Variants in HDAC4 observed in about 807,000 individuals in gnomAD.
HDAC4 encodes histone deacetylase 4.
In HDAC4, 16 loss-of-function variants were observed where a neutral mutation model predicts 135.1. The ratio of observed to expected loss-of-function variants is 0.12; its 90% CI spans 0.08 to 0.18. The LOEUF is 0.18. HDAC4 is among the 10% of genes least tolerant of loss of function. HDAC4 has a pLI of 1.00. For synonymous variants in HDAC4, 685 were observed against 653.4 expected, an observed-to-expected ratio of 1.05 and a Z score of -0.74; for missense variants, 1,143 against 1,511.8, an observed-to-expected ratio of 0.76 and a Z score of 4.05.
chr2:239,319,538 G>A (rs1019278187), intron 2 of HDAC4, among the ~76,000 whole-genome samples: 13 of 152,318 alleles, frequency 8.5e-5, no homozygotes, highest in African/African-American at 2.4e-4. Context: ...TGGAGGTCAC[G>A]CAGAGTTAAA....
rs191133746 is a variant in HDAC4, at chr2:239,305,223, T to C, written c.22+47455A>G. ...GCTGTGTTTTCTAACTGCATGGCCA[T>C]GACCAAGCAGTCGGTTTTCATCCAG... On this transcript the variant is annotated intron_variant, in intron 2 of 26. Transcript: ENST00000543185. Among the ~76,000 whole-genome samples the C allele has an allele frequency of 9.8e-4, 149 of 152,358 alleles. 1 individual carries two copies. The highest frequency in any genetic ancestry group is 1.5e-3 in the Non-Finnish European group (105 of 68,034).
In HDAC4 at chr2:239,299,152, A is replaced by G. The variant is rs911944380; in HGVS notation, c.22+53526T>C. Among the ~76,000 whole-genome samples, 4 of 152,004 alleles carry G rather than the reference A, an allele frequency of 2.6e-5. No homozygotes were observed. The highest frequency in any genetic ancestry group is 4.4e-5 in the Non-Finnish European group (3 of 67,980). Reference sequence around the variant, plus strand: ...AGTGCTGGGATTACAGGCATAAGCTATTGCACCCGGCCTGTCATAGCCTAC... The same window carrying G: ...AGTGCTGGGATTACAGGCATAAGCTGTTGCACCCGGCCTGTCATAGCCTAC... On this transcript the variant is annotated intron_variant, in intron 2 of 26. Transcript: ENST00000543185. The surrounding 1 kb of genome is among the most constrained non-coding windows in gnomAD (Gnocchi z 4.0).
intron 2 of HDAC4, among the ~76,000 whole-genome samples, chr2:239,280,072 G>C (rs149243661): frequency 0.018 from 2,812 of 152,214 alleles, 44 homozygotes; most frequent in South Asian, 0.037. Flanking sequence ...TGGGATTCCA[G>C]CTCGTCAGCT....
chr2:239,279,923 C>A (rs1393287133), intron 2 of HDAC4, among the ~76,000 whole-genome samples: 5 of 152,292 alleles, frequency 3.3e-5, no homozygotes, highest in African/African-American at 1.2e-4. Context: ...TCTGACGTTT[C>A]CCTCCCCGAA....
At chr2:239,373,620 C>T (rs1279694965) in intron 1 of HDAC4, among the ~76,000 whole-genome samples, 10 of 152,110 alleles carry the variant, frequency 6.6e-5, no homozygotes, top group Non-Finnish European at 1.2e-4. Context: ...TGCACCACCA[C>T]GCCCAGCTAA....
At chr2:239,315,847 A>T (rs1465563700) in intron 2 of HDAC4, among the ~76,000 whole-genome samples, 1 of 152,260 alleles carries the variant, frequency 6.6e-6, no homozygotes, top group East Asian at 1.9e-4. Context: ...CTTTCTAACC[A>T]GGACTGAAAA....
intron 12 of HDAC4, among the ~76,000 whole-genome samples, chr2:239,121,350 T>C (rs3828205): frequency 0.46 from 69,804 of 151,900 alleles, 16,437 homozygotes; most frequent in African/African-American, 0.54. Flanking sequence ...GTGGAGGTAG[T>C]GGGGGTCATA....
chr2:239,213,314 A>T (rs1451461517), intron 3 of HDAC4, among the ~76,000 whole-genome samples: 1 of 152,180 alleles, frequency 6.6e-6, no homozygotes, highest in Non-Finnish European at 1.5e-5. Context: ...CGGATGCTGA[A>T]AAAGAACGCA....
intron 12 of HDAC4, among the ~76,000 whole-genome samples, chr2:239,121,359 T>C (rs559939678): frequency 6.6e-6 from 1 of 152,070 alleles, no homozygotes; most frequent in Non-Finnish European, 1.5e-5. Flanking sequence ...GTGGGGGTCA[T>C]AGCGGGGGTC....
At chr2:239,159,813 C>T (rs1299485648) in intron 6 of HDAC4, among the ~76,000 whole-genome samples, 3 of 152,264 alleles carry the variant, frequency 2.0e-5, no homozygotes, top group Admixed American at 6.5e-5. Context: ...ATTTTTCAAC[C>T]TTTCATTTCC....
chr2:239,393,811 T>C (rs1466624208), intron 1 of HDAC4, among the ~76,000 whole-genome samples: 1 of 152,134 alleles, frequency 6.6e-6, no homozygotes, highest in Admixed American at 6.6e-5. Flanking sequence ...AAGCCTGGGG[T>C]CATGGGGCTG....
intron 24 of HDAC4, among the ~76,000 whole-genome samples, chr2:239,056,961 C>T (rs1228963534): frequency 6.6e-6 from 1 of 152,174 alleles, no homozygotes; most frequent in Non-Finnish European, 1.5e-5. Flanking sequence ...CTTGAAAAAC[C>T]ATGAAAGACT....
chr2:239,322,703 G>A (rs1206171543), intron 2 of HDAC4, among the ~76,000 whole-genome samples: 2 of 152,212 alleles, frequency 1.3e-5, no homozygotes. Context: ...GAGTGCTGGT[G>A]TGTGGACGGG....
chr2:239,214,999 C>T (rs554546593), intron 3 of HDAC4, among the ~76,000 whole-genome samples: 27 of 152,242 alleles, frequency 1.8e-4, no homozygotes, highest in African/African-American at 6.5e-4. Flanking sequence ...AGCTGGGGAT[C>T]GACGGCAAGC....
chr2:239,197,803 T>A (rs1386220413), intron 3 of HDAC4, among the ~76,000 whole-genome samples: 1 of 151,900 alleles, frequency 6.6e-6, no homozygotes, highest in African/African-American at 2.4e-5. Context: ...AGATAAAATA[T>A]CTTGTCTAGT....
At chr2:239,132,966 G>A (rs2040703127) in intron 11 of HDAC4, among the ~76,000 whole-genome samples, 1 of 152,104 alleles carries the variant, frequency 6.6e-6, no homozygotes, top group African/African-American at 2.4e-5. Context: ...AGAGATCCGC[G>A]TGCCTGCCAC....
At chr2:239,212,903 G>A (rs991149702) in intron 3 of HDAC4, among the ~76,000 whole-genome samples, 23 of 152,216 alleles carry the variant, frequency 1.5e-4, no homozygotes, top group African/African-American at 5.5e-4. Flanking sequence ...ACGCTGGCCA[G>A]CCAGGATCAC....
chr2:239,287,455 T>A (rs2051201692), intron 2 of HDAC4, among the ~76,000 whole-genome samples: 1 of 152,158 alleles, frequency 6.6e-6, no homozygotes, highest in South Asian at 2.1e-4. Context: ...ATCTCAAAGG[T>A]GTACTGTTGA....
At chr2:239,343,495 AG>A (rs1692426567) in intron 2 of HDAC4, among the ~76,000 whole-genome samples, 1 of 152,268 alleles carries the variant, frequency 6.6e-6, no homozygotes, top group South Asian at 2.1e-4. Flanking sequence ...CCTACGTTGC[AG>A]GACAGGGCCC....
Sources: allele counts gnomAD v4.1 joint callset (sites outside exome capture counted in the v4.1 genomes callset), GRCh38; gene constraint gnomAD v4.1.1; non-coding constraint Gnocchi (gnomAD v3.1); transcripts MANE v1.5; gene names NCBI Gene and HGNC (gene_info 2026-07-23, HGNC 2026-07-21).